Variants in NDUFS1 observed in about 807,000 individuals in gnomAD.
The protein encoded by NDUFS1 is NADH:ubiquinone oxidoreductase core subunit S1, also known as NADH-ubiquinone oxidoreductase 75 kDa subunit, mitochondrial.
A neutral mutation model predicts 84.4 loss-of-function variants in NDUFS1; 61 were observed. That is an observed-to-expected ratio of 0.72 (90% CI 0.59 to 0.89). The LOEUF is 0.89. NDUFS1 is among the 40% of genes least tolerant of loss of function. The pLI, the probability that NDUFS1 is intolerant of heterozygous loss-of-function variation, is 0.00. For synonymous variants in NDUFS1, 275 were observed against 290.0 expected, an observed-to-expected ratio of 0.95 and a Z score of 0.53; for missense variants, 891 against 890.0, an observed-to-expected ratio of 1.00 and a Z score of -0.01.
rs1022281840 is a variant in NDUFS1, at chr2:206,144,234, A to G, written c.873-102T>C. The G allele has an allele frequency of 2.6e-5, 22 of 851,210 alleles. No homozygotes were observed. The Middle Eastern group carries it at 9.1e-4, about 35-fold the overall frequency. 52.7% of individuals were successfully genotyped at this position (851,210 alleles called of 1,614,324 possible). ...ATGTTATTTAAATACAGTACTGGTTAAAGTGTCAAATATCTAAACACCTAG... is the reference window on the plus strand; with the variant it reads ...ATGTTATTTAAATACAGTACTGGTTGAAGTGTCAAATATCTAAACACCTAG... On this transcript the variant is annotated intron_variant, in intron 9 of 18. Transcript: ENST00000233190.
intron 12 of NDUFS1, among the ~76,000 whole-genome samples, chr2:206,140,315 C>T (rs949538904): frequency 6.6e-6 from 1 of 151,968 alleles, no homozygotes. Flanking sequence ...TGCTAATATA[C>T]CTTAGCCTGT....
intron 7 of NDUFS1, 140 bp from the exon 8 acceptor site, chr2:206,147,228 A>C: frequency 1.1e-6 from 1 of 902,668 alleles, no homozygotes; most frequent in Non-Finnish European, 1.7e-6. Flanking sequence ...TCCTAGAATA[A>C]AAAATAATGA....
chr2:206,130,043 A>G (rs1300393619), intron 15 of NDUFS1, 45 bp downstream of exon 15: 2 of 1,606,742 alleles, frequency 1.2e-6, no homozygotes, highest in Non-Finnish European at 1.7e-6. Flanking sequence ...TAACATACAT[A>G]ATGTACTACT....
intron 9 of NDUFS1, among the ~76,000 whole-genome samples, chr2:206,144,606 C>T (rs2105970708): frequency 6.6e-6 from 1 of 152,276 alleles, no homozygotes; most frequent in East Asian, 1.9e-4. Context: ...TGCGCCCAGC[C>T]TAGCTTCTTT....
intron 18 of NDUFS1, 113 bp downstream of exon 18, chr2:206,126,426 G>T: frequency 1.0e-6 from 1 of 983,514 alleles, no homozygotes; most frequent in Non-Finnish European, 1.6e-6. Context: ...AACCTTCAAA[G>T]ATTAAGAATT....
rs551520289 is a variant in NDUFS1, at chr2:206,141,360, G to A, written c.1262+581C>T. Among the ~76,000 whole-genome samples, 7 of 148,152 alleles carry A rather than the reference G, an allele frequency of 4.7e-5. No homozygotes were observed. In the East Asian group the frequency reaches 1.3e-3, roughly 27 times the overall value. On this transcript the variant is annotated intron_variant, in intron 12 of 18. Coordinates refer to ENST00000233190, the MANE Select transcript of NDUFS1 (RefSeq NM_005006.7). ...GAGATCGAGACCACGGTGAAACCCC[G>A]TCTCTACTAAAAATACAAAAAATAA...
rs1691152322 is a variant in NDUFS1, at chr2:206,123,115, T to C, written c.*1070A>G. ...TACTTCCTTTTTTATTTTTTTAAAT[T>C]CTCAGTGATCCTTATTCTGATTCCT... On this transcript the variant is annotated 3_prime_UTR_variant, in exon 19 of 19. Coordinates refer to ENST00000233190, the MANE Select transcript of NDUFS1 (RefSeq NM_005006.7). 1 of 152,292 alleles carries C rather than the reference T, an allele frequency of 6.6e-6. No homozygotes were observed. Among genetic ancestry groups the C allele is most frequent in the East Asian group, 1.9e-4 (1 of 5,188 alleles). The allele number at this position is 152,292 out of a possible 1,614,324, so 9.4% of individuals were successfully genotyped here. A position where few individuals can be genotyped will look rare whatever the true frequency, so the allele number is the denominator to read the frequency against.
chr2:206,152,799 G>A (rs752616446), intron 2 of NDUFS1, among the ~76,000 whole-genome samples: 8 of 149,844 alleles, frequency 5.3e-5, no homozygotes, highest in South Asian at 2.1e-4. Flanking sequence ...CCACCTCCCC[G>A]GTTCAAGCGA....
chr2:206,133,569 C>T (rs1176072550), intron 13 of NDUFS1, among the ~76,000 whole-genome samples: 2 of 152,096 alleles, frequency 1.3e-5, no homozygotes, highest in Admixed American at 1.3e-4. Context: ...ATGTTAAATA[C>T]CTACAATTTT....
intron 13 of NDUFS1, among the ~76,000 whole-genome samples, chr2:206,133,563 T>C (rs1046871385): frequency 6.6e-6 from 1 of 152,200 alleles, no homozygotes; most frequent in African/African-American, 2.4e-5. Context: ...ATCACAATGT[T>C]AAATACCTAC....
At position 206,133,075 on chromosome 2, in the gene NDUFS1, C is replaced by T. The variant is rs139120428; in HGVS notation, c.1423G>A (p.Val475Ile). 19 of 1,613,280 alleles carry T rather than the reference C, an allele frequency of 1.2e-5. No homozygotes were observed. Among genetic ancestry groups the T allele is most frequent in the South Asian group, 1.1e-5 (1 of 90,884 alleles). ...CTTTGGAGTGCAGAACTGCCTAAAA[C>T]CACCATTGGTTTTTTAGCTTCCTTT... Reference protein sequence around the residue: ...VLKEAKKPMVVLGSSALQRND... With the variant: ...VLKEAKKPMVILGSSALQRND... Residue 475 changes from valine (V) to isoleucine (I), a missense_variant, in exon 14 of 19, where the codon GTT becomes ATT. Coordinates refer to ENST00000233190, the MANE Select transcript of NDUFS1 (RefSeq NM_005006.7).
intron 15 of NDUFS1, among the ~76,000 whole-genome samples, chr2:206,128,339 G>A (rs774841576): frequency 6.6e-6 from 1 of 151,804 alleles, no homozygotes; most frequent in Non-Finnish European, 1.5e-5. Context: ...CTAATTTTTT[G>A]TATTTTTAGT....
chr2:206,150,051 A>ATCTATCTG, intron 3 of NDUFS1, 126 bp from the exon 4 acceptor site: 1 of 719,834 alleles, frequency 1.4e-6, no homozygotes, highest in Admixed American at 2.5e-5. Context: ...CTATCTATCT[A>ATCTATCTG]TCTTAATTCA....
intron 13 of NDUFS1, among the ~76,000 whole-genome samples, chr2:206,136,251 AC>A (rs1449328173): frequency 6.7e-6 from 1 of 149,416 alleles, no homozygotes; most frequent in African/African-American, 2.5e-5. Context: ...GCGGGGTTTC[AC>A]CATGGTGGTC....
intron 13 of NDUFS1, among the ~76,000 whole-genome samples, chr2:206,138,002 G>A (rs1217429095): frequency 6.6e-6 from 1 of 152,166 alleles, no homozygotes; most frequent in African/African-American, 2.4e-5. Flanking sequence ...TAAATGGAGA[G>A]ATTATGATGT....
chr2:206,148,038 C>A (rs1255660156), intron 5 of NDUFS1, among the ~76,000 whole-genome samples: 1 of 152,108 alleles, frequency 6.6e-6, no homozygotes, highest in Non-Finnish European at 1.5e-5. Flanking sequence ...GATTCTCTTG[C>A]CTCAGCCTCC....
chr2:206,142,758 AG>A lies in NDUFS1; in HGVS notation c.1060del (p.Leu354SerfsTer74). The A allele has an allele frequency of 6.2e-7, 1 of 1,614,212 alleles. No homozygotes were observed. The highest frequency in any genetic ancestry group is 1.7e-5 in the Admixed American group (1 of 60,020). ...GTCCACTCTATTAAGCAAATCTTTG[AG>A]AGCTACCAGGGCTTCAGCATCCACC... The part of the protein sequence containing the change: ...GLVDAEALVA[L>X]KDLLNRVDSD... On this transcript the variant is annotated frameshift_variant, in exon 11 of 19. Transcript: ENST00000233190. LOFTEE classifies it high-confidence loss of function.
intron 16 of NDUFS1, chr2:206,127,572 G>C (rs537733372): frequency 5.9e-5 from 27 of 455,850 alleles, no homozygotes; most frequent in Non-Finnish European, 9.7e-5. Flanking sequence ...TATTTTTTAA[G>C]AGACAGGGTC....
intron 18 of NDUFS1, among the ~76,000 whole-genome samples, chr2:206,125,499 G>A (rs541564606): frequency 2.6e-5 from 4 of 151,526 alleles, no homozygotes; most frequent in Admixed American, 1.3e-4. Flanking sequence ...ACACGTACAT[G>A]TAAACAGTAA....
Sources: allele counts gnomAD v4.1 joint callset (sites outside exome capture counted in the v4.1 genomes callset), GRCh38; gene constraint gnomAD v4.1.1; transcripts MANE v1.5; gene names NCBI Gene and HGNC (gene_info 2026-07-23, HGNC 2026-07-21).